The following OPCML variants were observed in gnomAD, a reference collection of about 807,000 sequenced individuals.
OPCML encodes the protein opioid binding protein/cell adhesion molecule like.
A neutral mutation model predicts 37.8 loss-of-function variants in OPCML; 13 were observed. The observed-to-expected ratio is 0.34, with a 90% CI of 0.22 to 0.55. The LOEUF (loss-of-function observed/expected upper bound fraction) is 0.55, where lower values mean the gene tolerates loss of function less well. Ranked by LOEUF, OPCML falls within the 20% of genes least tolerant of loss-of-function variation. The pLI, the probability that OPCML is intolerant of heterozygous loss-of-function variation, is 0.91. For missense variants in OPCML, 341 were observed against 435.6 expected (o/e 0.78, Z 1.93); for synonymous variants, 176 against 168.8 (o/e 1.04, Z -0.33).
chr11:133,171,886 G>A (rs971664925), intron 1 of OPCML, among the ~76,000 whole-genome samples: 5 of 152,346 alleles, frequency 3.3e-5, no homozygotes, highest in African/African-American at 1.2e-4. Flanking sequence ...AAGGCCAGGG[G>A]CTGGAACCTA....
chr11:133,210,087 C>T (rs568552340), intron 1 of OPCML, among the ~76,000 whole-genome samples: 10 of 152,220 alleles, frequency 6.6e-5, no homozygotes, highest in East Asian at 3.9e-4. Context: ...GTCTCTCTCA[C>T]GGCATGTGCC....
chr11:132,834,663 A>C (rs907202400), intron 2 of OPCML, among the ~76,000 whole-genome samples: 20 of 152,184 alleles, frequency 1.3e-4, no homozygotes, highest in Non-Finnish European at 1.5e-5. Flanking sequence ...ATCTGTGTCC[A>C]AACTCCCTTC....
At chr11:133,189,747 C>G (rs1407436577) in intron 1 of OPCML, among the ~76,000 whole-genome samples, 1 of 152,160 alleles carries the variant, frequency 6.6e-6, no homozygotes, top group Non-Finnish European at 1.5e-5. Context: ...AATTAGAGGA[C>G]AGTCACCAGG....
chr11:133,439,995 A>G (rs573707895), intron 1 of OPCML, among the ~76,000 whole-genome samples: 51 of 152,344 alleles, frequency 3.3e-4, no homozygotes, highest in Non-Finnish European at 6.6e-4. Context: ...ATCTTAATAA[A>G]AGTTGAAAAG....
chr11:132,765,828 A>G (rs1591578430), intron 2 of OPCML, among the ~76,000 whole-genome samples: 1 of 152,180 alleles, frequency 6.6e-6, no homozygotes, highest in South Asian at 2.1e-4. Flanking sequence ...GTTCCTAAAT[A>G]CCATCCACTA....
chr11:133,141,230 G>A (rs1418160102), intron 1 of OPCML, among the ~76,000 whole-genome samples: 1 of 151,832 alleles, frequency 6.6e-6, no homozygotes, highest in African/African-American at 2.4e-5. Flanking sequence ...TTCCAAGCCG[G>A]GCTCTCGCAT....
intron 1 of OPCML, among the ~76,000 whole-genome samples, chr11:133,011,269 G>C (rs930240893): frequency 6.6e-5 from 10 of 152,178 alleles, no homozygotes; most frequent in Admixed American, 5.2e-4. Context: ...ACATACAGAG[G>C]ACCTGATTTC....
At chr11:132,547,269 G>A (rs970155435) in intron 3 of OPCML, among the ~76,000 whole-genome samples, 3 of 152,198 alleles carry the variant, frequency 2.0e-5, no homozygotes, top group Admixed American at 6.5e-5. Context: ...AGGCAGAAAA[G>A]TGGGGTGAGA....
chr11:132,637,903 C>T (rs1009220141), intron 3 of OPCML, among the ~76,000 whole-genome samples: 2 of 152,008 alleles, frequency 1.3e-5, no homozygotes, highest in Non-Finnish European at 2.9e-5. Context: ...ATAGTCTCTG[C>T]CTTTGGGAGA....
chr11:132,890,490 C>T (rs1943596812), intron 2 of OPCML, among the ~76,000 whole-genome samples: 2 of 151,934 alleles, frequency 1.3e-5, no homozygotes, highest in African/African-American at 4.8e-5. Context: ...GCAACTTTTA[C>T]ACAGAATAAT....
At chr11:133,332,072 A>G (rs996234506) in intron 1 of OPCML, among the ~76,000 whole-genome samples, 52 of 152,186 alleles carry the variant, frequency 3.4e-4, no homozygotes, top group African/African-American at 1.3e-3. Flanking sequence ...TGAGCATGGG[A>G]TGATTTCCAT....
intron 1 of OPCML, among the ~76,000 whole-genome samples, chr11:133,231,190 C>G (rs1190455064): frequency 2.0e-5 from 3 of 152,150 alleles, no homozygotes; most frequent in African/African-American, 7.2e-5. Flanking sequence ...AATCAGCCAC[C>G]TAAGGAGTAG....
At chr11:133,343,612 A>C (rs1044178532) in intron 1 of OPCML, among the ~76,000 whole-genome samples, 12 of 152,280 alleles carry the variant, frequency 7.9e-5, no homozygotes, top group African/African-American at 2.9e-4. Flanking sequence ...CAGGTTATTT[A>C]CTTCAACACA....
intron 4 of OPCML, among the ~76,000 whole-genome samples, chr11:132,512,969 T>A (rs1175100789): frequency 6.6e-6 from 1 of 152,014 alleles, no homozygotes; most frequent in African/African-American, 2.4e-5. Context: ...TAATTTAAAT[T>A]ATGACCGCAA....
chr11:132,661,483 C>T (rs1389331713), intron 2 of OPCML, among the ~76,000 whole-genome samples: 2 of 152,148 alleles, frequency 1.3e-5, no homozygotes, highest in Non-Finnish European at 2.9e-5. Context: ...CAGGGAAGGA[C>T]TTAAAAAGTT....
chr11:132,571,321 C>A (rs1021779286), intron 3 of OPCML, among the ~76,000 whole-genome samples: 6 of 152,094 alleles, frequency 3.9e-5, no homozygotes, highest in African/African-American at 1.4e-4. Context: ...ACCTGTCAGA[C>A]GGCCTATCAT....
intron 2 of OPCML, among the ~76,000 whole-genome samples, chr11:132,745,562 G>GA (rs1945590665): frequency 2.3e-5 from 1 of 43,766 alleles, no homozygotes; most frequent in East Asian, 4.2e-4. Context: ...TTGCTGTCTT[G>GA]CAAAAAAAAA....
intron 1 of OPCML, among the ~76,000 whole-genome samples, chr11:133,370,461 T>C (rs1285747244): frequency 9.2e-6 from 1 of 108,492 alleles, no homozygotes; most frequent in Non-Finnish European, 1.9e-5. Flanking sequence ...AGGAAGGAAA[T>C]CCCGTTTACA....
At chr11:132,823,006 T>C (rs1186101019) in intron 2 of OPCML, among the ~76,000 whole-genome samples, 1 of 152,232 alleles carries the variant, frequency 6.6e-6, no homozygotes, top group Non-Finnish European at 1.5e-5. Flanking sequence ...TTCATTGTTA[T>C]TAAACAATAT....
Sources: gnomAD v4.1 joint callset for allele counts (sites outside exome capture counted in the v4.1 genomes callset) on GRCh38, gnomAD v4.1.1 for gene constraint, MANE v1.5 for transcripts, NCBI Gene and HGNC (gene_info 2026-07-23, HGNC 2026-07-21) for gene names.